Variants in SORBS2 observed in about 807,000 individuals in gnomAD.
The protein encoded by SORBS2 is sorbin and SH3 domain containing 2, also known as sorbin and SH3 domain-containing protein 2.
Under a neutral mutation model 97.7 loss-of-function variants are expected in SORBS2, and 46 were observed. The ratio of observed to expected loss-of-function variants is 0.47; its 90% CI spans 0.37 to 0.60. The LOEUF is 0.60. Among genes scored for constraint, SORBS2 ranks in the 20% least tolerant of loss-of-function variants. SORBS2 has a pLI of 0.00. For synonymous variants in SORBS2, 476 were observed against 473.4 expected (o/e 1.01, Z -0.07); for missense variants, 1,316 against 1,282.3 (o/e 1.03, Z -0.40).
intron 2 of SORBS2, among the ~76,000 whole-genome samples, chr4:185,724,222 G>A (rs959953823): frequency 3.3e-5 from 5 of 151,284 alleles, no homozygotes; most frequent in African/African-American, 1.2e-4. Context: ...TTTTGATGAT[G>A]TTTGGGTGTT....
At chr4:185,710,611 T>G (rs2098410830) in intron 2 of SORBS2, among the ~76,000 whole-genome samples, 1 of 152,256 alleles carries the variant, frequency 6.6e-6, no homozygotes, top group African/African-American at 2.4e-5. Context: ...GGTCATTAGA[T>G]TCTAGTACTG....
intron 1 of SORBS2, among the ~76,000 whole-genome samples, chr4:185,868,315 C>CAT (rs1295466149): frequency 6.6e-6 from 1 of 151,554 alleles, no homozygotes; most frequent in Non-Finnish European, 1.5e-5. Context: ...TGCCACCATG[C>CAT]CCAGCTAATT....
At chr4:185,909,295 C>G (rs1326349321) in intron 1 of SORBS2, among the ~76,000 whole-genome samples, 3 of 152,140 alleles carry the variant, frequency 2.0e-5, no homozygotes, top group African/African-American at 4.8e-5. Flanking sequence ...CTCAAAACGT[C>G]AAATACTTTA....
chr4:185,807,615 G>T (rs966159909), intron 1 of SORBS2, among the ~76,000 whole-genome samples: 1 of 152,184 alleles, frequency 6.6e-6, no homozygotes, highest in African/African-American at 2.4e-5. Context: ...CATCTTAATT[G>T]AACTTAAGCT....
chr4:185,915,541 C>G (rs551969938), intron 1 of SORBS2, among the ~76,000 whole-genome samples: 2 of 152,152 alleles, frequency 1.3e-5, no homozygotes, highest in African/African-American at 4.8e-5. Flanking sequence ...ACACTGCAGA[C>G]GTTTGACATC....
chr4:185,666,126 A>G, intron 4 of SORBS2: 3 of 1,289,784 alleles, frequency 2.3e-6, no homozygotes, highest in Middle Eastern at 2.1e-4. Context: ...GGCACGGAGG[A>G]GAAGCTTCTG....
intron 2 of SORBS2, among the ~76,000 whole-genome samples, chr4:185,694,684 C>T (rs13115051): frequency 1.4e-3 from 198 of 140,478 alleles, no homozygotes; most frequent in Non-Finnish European, 1.8e-3. Context: ...TCTTTTTTTT[C>T]TTTTTCTTTT....
intron 1 of SORBS2, among the ~76,000 whole-genome samples, chr4:185,901,910 C>T (rs563104204): frequency 5.3e-5 from 8 of 152,172 alleles, no homozygotes; most frequent in Non-Finnish European, 1.2e-4. Flanking sequence ...GGTTAAAAAG[C>T]AGGCTTTCTG....
At chr4:185,639,450 A>G (rs1190084498) in intron 4 of SORBS2, among the ~76,000 whole-genome samples, 1 of 152,236 alleles carries the variant, frequency 6.6e-6, no homozygotes, top group Non-Finnish European at 1.5e-5. Flanking sequence ...TAGCAGTGTT[A>G]ATATAAACAG....
intron 1 of SORBS2, among the ~76,000 whole-genome samples, chr4:185,941,961 C>A (rs148535743): frequency 4.6e-5 from 7 of 151,972 alleles, no homozygotes; most frequent in African/African-American, 1.2e-4. Context: ...ACTAAAAATA[C>A]AAAAATTTGC....
At chr4:185,924,610 G>A (rs907409410) in intron 1 of SORBS2, among the ~76,000 whole-genome samples, 2 of 151,824 alleles carry the variant, frequency 1.3e-5, no homozygotes, top group African/African-American at 4.8e-5. Context: ...ACATCATGGC[G>A]CCCTGCATTT....
At chr4:185,709,357 TAAAG>T (rs2098396928) in intron 2 of SORBS2, among the ~76,000 whole-genome samples, 1 of 126,664 alleles carries the variant, frequency 7.9e-6, no homozygotes, top group Non-Finnish European at 1.6e-5. Flanking sequence ...AATAAAGAAA[TAAAG>T]AAACTTACAT....
chr4:185,694,177 CA>C (rs1288441927), intron 2 of SORBS2, among the ~76,000 whole-genome samples: 1 of 152,230 alleles, frequency 6.6e-6, no homozygotes, highest in African/African-American at 2.4e-5. Flanking sequence ...TCTCTTTAGA[CA>C]GTTCAAACTA....
At chr4:185,809,297 T>C (rs1364209634) in intron 1 of SORBS2, among the ~76,000 whole-genome samples, 1 of 150,314 alleles carries the variant, frequency 6.7e-6, no homozygotes, top group Non-Finnish European at 1.5e-5. Context: ...TGCAATATGG[T>C]TCAGCAGACA....
chr4:185,795,406 C>T (rs2153651887), intron 1 of SORBS2, among the ~76,000 whole-genome samples: 1 of 152,222 alleles, frequency 6.6e-6, no homozygotes, highest in Middle Eastern at 3.4e-3. Flanking sequence ...TGATCTGTAC[C>T]TTCAGAGAAG....
chr4:185,940,758 T>G (rs906474119), intron 1 of SORBS2, among the ~76,000 whole-genome samples: 6 of 152,184 alleles, frequency 3.9e-5, no homozygotes, highest in African/African-American at 1.4e-4. Flanking sequence ...CCCCAGGTTT[T>G]CTCATCGCTG....
chr4:185,783,629 C>A (rs55841174), intron 1 of SORBS2, among the ~76,000 whole-genome samples: 60,165 of 151,904 alleles, frequency 0.4, 12,631 homozygotes, highest in Middle Eastern at 0.48. Flanking sequence ...AAAAAAAATG[C>A]GAAGTCTTTG....
At chr4:185,861,307 G>A (rs561264874) in intron 1 of SORBS2, among the ~76,000 whole-genome samples, 9 of 131,806 alleles carry the variant, frequency 6.8e-5, no homozygotes, top group South Asian at 2.8e-4. Flanking sequence ...AATGTCCTTC[G>A]CTGAAAATGG....
At chr4:185,879,442 C>T in intron 1 of SORBS2, among the ~76,000 whole-genome samples, 1 of 152,032 alleles carries the variant, frequency 6.6e-6, no homozygotes, top group East Asian at 1.9e-4. Flanking sequence ...GGGTTGGTTC[C>T]AAGTCTTTGC....
Sources: allele counts gnomAD v4.1 joint callset (sites outside exome capture counted in the v4.1 genomes callset), GRCh38; gene constraint gnomAD v4.1.1; transcripts MANE v1.5; gene names NCBI Gene and HGNC (gene_info 2026-07-23, HGNC 2026-07-21).